Variants in ZNF41 observed in about 807,000 individuals in gnomAD.
The protein encoded by ZNF41 is zinc finger protein 41.
ZNF41 carries 6 observed loss-of-function variants against 9.3 expected under a neutral mutation model. The observed-to-expected ratio is 0.65, with a 90% CI of 0.35 to 1.28. The LOEUF (loss-of-function observed/expected upper bound fraction) is 1.28, where lower values mean the gene tolerates loss of function less well. ZNF41 is among the 50% of genes most tolerant of loss of function. ZNF41 has a pLI of 0.03. For synonymous variants in ZNF41, 192 were observed against 207.1 expected (o/e 0.93, Z 0.63); for missense variants, 523 against 585.8 (o/e 0.89, Z 1.11).
chrX:47,447,190 T>C lies in ZNF41; in HGVS notation c.*240A>G, dbSNP rs1339221016. 1 of 417,533 alleles carries C rather than the reference T, an allele frequency of 2.4e-6. No individual in the cohort carries two copies. The highest frequency in any genetic ancestry group is 4.2e-6 in the Non-Finnish European group (1 of 239,691). 34.4% of individuals were successfully genotyped at this position (417,533 alleles called of 1,213,427 possible). A position where few individuals can be genotyped will look rare whatever the true frequency, so the allele number is the denominator to read the frequency against. On this transcript the variant is annotated 3_prime_UTR_variant, in exon 5 of 5. Transcript: ENST00000684689. ...TCATGTCACCAAACATGACTTTCGC[T>C]CAAATGCTTTCTCTAAAGGCTCTTC...
chrX:47,447,498 C>A lies in ZNF41; in HGVS notation c.2272G>T (p.Asp758Tyr). 3 of 1,211,429 alleles carry A rather than the reference C, an allele frequency of 2.5e-6. No individual in the cohort carries two copies. Among genetic ancestry groups the A allele is most frequent in the Non-Finnish European group, 3.4e-6 (3 of 895,249 alleles). ...TGGTGTTTAATGAGATTCGATCTGT[C>A]AGTAAAGGCCTTCTGACATTCTGTA... is the stretch of plus-strand genomic sequence containing the variant. ...ACTECQKAFTDRSNLIKHQKM... is the reference protein window; with the variant it reads ...ACTECQKAFTYRSNLIKHQKM... Residue 758 changes from aspartate (D) to tyrosine (Y), a missense_variant, in exon 5 of 5, where the codon GAC (aspartate) becomes TAC (tyrosine). Transcript: ENST00000684689.
At chrX:47,473,651 G>A (rs959740961) in intron 1 of ZNF41, among the ~76,000 whole-genome samples, 2 of 112,141 alleles carry the variant, frequency 1.8e-5, no homozygotes, top group African/African-American at 6.5e-5. Context: ...TTATTTTTAT[G>A]TGTTAAAATG....
At chrX:47,473,144 C>T (rs1051850957) in intron 1 of ZNF41, among the ~76,000 whole-genome samples, 4 of 111,170 alleles carry the variant, frequency 3.6e-5, no homozygotes, top group African/African-American at 1.3e-4. Flanking sequence ...CTGCCTCAGC[C>T]TCCTAAGTCG....
At chrX:47,458,705 G>A (rs2056661349) in intron 2 of ZNF41, among the ~76,000 whole-genome samples, 1 of 110,939 alleles carries the variant, frequency 9.0e-6, no homozygotes, top group Non-Finnish European at 1.9e-5. Context: ...CTAGGGTGCA[G>A]TGGCGCAACC....
intron 4 of ZNF41, among the ~76,000 whole-genome samples, chrX:47,451,860 C>T (rs1490998572): frequency 8.9e-6 from 1 of 112,119 alleles, no homozygotes; most frequent in Non-Finnish European, 1.9e-5. Flanking sequence ...TAGGTGACAG[C>T]GAGACTCTGT....
Position 47,449,356 on chromosome X carries a change from CCA to C in ZNF41, c.412_413del (p.Trp138AlafsTer3). On this transcript the variant is annotated frameshift_variant, in exon 5 of 5. Coordinates refer to ENST00000684689, the MANE Select transcript of ZNF41 (RefSeq NM_001324144.2). LOFTEE classifies it low-confidence loss of function (END_TRUNC). ...GTTGCTCTAGCTGGTCATTATCTTG[CCA>C]CAGTTCTTCTAAAATAGAACATAAT... is the stretch of plus-strand genomic sequence containing the variant. ...DSLCSILEEL[W>X]QDNDQLEQRQ... 1 of 1,211,527 alleles carries C rather than the reference CCA, an allele frequency of 8.3e-7. No individual in the cohort carries two copies. The highest frequency in any genetic ancestry group is 1.1e-6 in the Non-Finnish European group (1 of 895,457).
At chrX:47,468,856 A>G (rs1223101057) in intron 1 of ZNF41, among the ~76,000 whole-genome samples, 2 of 111,051 alleles carry the variant, frequency 1.8e-5, no homozygotes, top group Non-Finnish European at 3.8e-5. Context: ...CAGAACCAAC[A>G]CGTCATTTAC....
intron 4 of ZNF41, among the ~76,000 whole-genome samples, chrX:47,452,595 T>A (rs1419644433): frequency 8.9e-6 from 1 of 111,806 alleles, no homozygotes; most frequent in Non-Finnish European, 1.9e-5. Flanking sequence ...GTGCTTTCTA[T>A]CTGCTATTCC....
chrX:47,462,895 A>AT (rs1204365532), intron 2 of ZNF41, among the ~76,000 whole-genome samples: 9 of 91,807 alleles, frequency 9.8e-5, no homozygotes, highest in Admixed American at 4.9e-4. Flanking sequence ...TACCCGGCTG[A>AT]TTTTTTTTTT....
chrX:47,449,097 G>A lies in ZNF41; in HGVS notation c.673C>T (p.Pro225Ser). 1.7e-6 allele frequency: 2 copies of A among 1,211,334 alleles called. No homozygotes were observed. Among genetic ancestry groups the A allele is most frequent in the Non-Finnish European group, 2.2e-6 (2 of 895,436 alleles). ...TTCTTAGTAGAGGAAGGGCTATGGG[G>A]GAAATTGTTACCATTTCCAAAAATC... is the stretch of plus-strand genomic sequence containing the variant. ...GKIFGNGNNFPHSPSSTKNEN... is the reference protein window; with the variant it reads ...GKIFGNGNNFSHSPSSTKNEN... The change falls in exon 5 of 5, where the codon CCC becomes TCC. Residue 225 changes from proline to serine, a missense_variant. Transcript: ENST00000684689.
intron 2 of ZNF41, among the ~76,000 whole-genome samples, chrX:47,465,143 C>T (rs1232537792): frequency 8.9e-6 from 1 of 112,606 alleles, no homozygotes; most frequent in East Asian, 2.8e-4. Flanking sequence ...CCTTGGCCTC[C>T]CAAAGTGCTG....
chrX:47,447,449 C>T lies in ZNF41; in HGVS notation c.2321G>A (p.Arg774His). The T allele has an allele frequency of 2.5e-6, 3 of 1,210,983 alleles. No homozygotes were observed. The highest frequency in any genetic ancestry group is 3.4e-6 in the Non-Finnish European group (3 of 895,395). ...KHQKMHSGEK[R>H]YKASD ...ACTTTCTCAGTCACTGGCTTTATAG[C>T]GTTTTTCTCCACTATGCATTTTCTG... is the stretch of plus-strand genomic sequence containing the variant. Residue 774 changes from arginine to histidine, a missense_variant, in exon 5 of 5, where the codon CGC becomes CAC. By Grantham distance (29) the Arg-to-His change is conservative (BLOSUM62 0). Transcript: ENST00000684689.
At chrX:47,462,969 ATG>A (rs2056865170) in intron 2 of ZNF41, among the ~76,000 whole-genome samples, 1 of 57,841 alleles carries the variant, frequency 1.7e-5, no homozygotes, top group Non-Finnish European at 3.8e-5. Context: ...ACACACACAT[ATG>A]TGTACACACA....
chrX:47,469,384 G>C (rs779605325), intron 1 of ZNF41, among the ~76,000 whole-genome samples: 1 of 103,367 alleles, frequency 9.7e-6, no homozygotes, highest in South Asian at 4.3e-4. Context: ...AGCATTTTAT[G>C]CCAATATTCC....
intron 1 of ZNF41, among the ~76,000 whole-genome samples, chrX:47,472,428 G>A (rs1412346372): frequency 9.7e-6 from 1 of 102,994 alleles, no homozygotes; most frequent in African/African-American, 3.5e-5. Flanking sequence ...TTAAAAACAT[G>A]GCTTCTTTTT....
At chrX:47,471,908 CAAT>C (rs1293340252) in intron 1 of ZNF41, among the ~76,000 whole-genome samples, 1 of 111,568 alleles carries the variant, frequency 9.0e-6, no homozygotes, top group East Asian at 2.8e-4. Context: ...AGTTAAACTA[CAAT>C]AAGATAATCC....
At chrX:47,476,665 T>C (rs1004062451) in intron 1 of ZNF41, among the ~76,000 whole-genome samples, 14 of 110,922 alleles carry the variant, frequency 1.3e-4, no homozygotes, top group African/African-American at 4.6e-4. Context: ...ACAATAAGCA[T>C]TAGCAAGGAT....
Position 47,450,164 on chromosome X carries a change from T to C in ZNF41, c.296-690A>G, listed in dbSNP as rs750394876. Among the ~76,000 whole-genome samples the C allele has an allele frequency of 4.5e-5, 5 of 111,518 alleles. No homozygotes were observed. In the East Asian group the frequency reaches 1.1e-3, roughly 25 times the overall value. The stretch of plus-strand genomic sequence containing the variant: ...CATCCTGACATAGACAAACAGTAAA[T>C]AGACATTTGCACTCCAACTTTATAA... On this transcript the variant is annotated intron_variant, in intron 4 of 4. Coordinates refer to ENST00000684689, the MANE Select transcript of ZNF41 (RefSeq NM_001324144.2).
intron 2 of ZNF41, among the ~76,000 whole-genome samples, chrX:47,464,095 C>G (rs755803164): frequency 9.0e-6 from 1 of 111,138 alleles, no homozygotes; most frequent in Non-Finnish European, 1.9e-5. Flanking sequence ...CTGACTGCTC[C>G]GTCTGGCTGC....
Sources: allele counts gnomAD v4.1 joint callset (sites outside exome capture counted in the v4.1 genomes callset), GRCh38; gene constraint gnomAD v4.1.1; transcripts MANE v1.5; gene names NCBI Gene and HGNC (gene_info 2026-07-23, HGNC 2026-07-21).